The following VPS8 variants were observed in gnomAD, a reference collection of about 807,000 sequenced individuals.
VPS8 encodes VPS8 subunit of CORVET complex, also known as vacuolar protein sorting-associated protein 8 homolog.
VPS8 carries 129 observed loss-of-function variants against 216.4 expected under a neutral mutation model. That is an observed-to-expected ratio of 0.60 (90% CI 0.52 to 0.69). The LOEUF is 0.69. VPS8 is among the 30% of genes least tolerant of loss of function. VPS8 has a pLI of 0.00. For synonymous variants in VPS8, 571 were observed against 565.4 expected, an observed-to-expected ratio of 1.01 and a Z score of -0.14; for missense variants, 1,531 against 1,683.5, an observed-to-expected ratio of 0.91 and a Z score of 1.59.
At chr3:184,918,155 C>T (rs1280588794) in intron 28 of VPS8, among the ~76,000 whole-genome samples, 2 of 152,126 alleles carry the variant, frequency 1.3e-5, no homozygotes, top group East Asian at 3.8e-4. Context: ...TTTTAAGAGG[C>T]AAATCAGCCT....
intron 30 of VPS8, 34 bp from the exon 31 acceptor site, chr3:184,926,560 G>A: frequency 2.6e-6 from 4 of 1,553,250 alleles, no homozygotes; most frequent in Non-Finnish European, 3.5e-6. Flanking sequence ...TCTAGATGCT[G>A]ATATCAAATA....
chr3:184,926,372 GT>G (rs1287915407), intron 30 of VPS8, among the ~76,000 whole-genome samples: 2 of 138,324 alleles, frequency 1.4e-5, no homozygotes, highest in African/African-American at 3.4e-5. Flanking sequence ...GTGAGACTCT[GT>G]CTCAATAAAT....
At chr3:184,882,029 C>G (rs963094795) in intron 21 of VPS8, among the ~76,000 whole-genome samples, 3 of 151,546 alleles carry the variant, frequency 2.0e-5, no homozygotes, top group African/African-American at 7.3e-5. Context: ...CCAACAGAGA[C>G]AGTTTTTTTT....
intron 46 of VPS8, among the ~76,000 whole-genome samples, chr3:185,038,082 A>G (rs1268591674): frequency 6.6e-6 from 1 of 152,146 alleles, no homozygotes; most frequent in African/African-American, 2.4e-5. Flanking sequence ...TATATTGTAT[A>G]CCCTATGTAC....
Position 184,824,704 on chromosome 3 carries a change from T to A in VPS8, c.72T>A (p.Asn24Lys), listed in dbSNP as rs750451292. The change falls in exon 2 of 48, where the codon AAT (asparagine) becomes AAA (lysine). Residue 24 changes from asparagine to lysine, a missense_variant. Transcript: ENST00000625842. ...CCAAGACGAGCGAAGAAGAGCTGAA[T>A]AAGTCTTTCAATCTAGAAGCTTCAC... ...LCAKTSEEELNKSFNLEASLS... is the reference protein window; with the variant it reads ...LCAKTSEEELKKSFNLEASLS... The A allele has an allele frequency of 6.2e-7, 1 of 1,613,928 alleles. No homozygotes were observed. Among genetic ancestry groups the A allele is most frequent in the Non-Finnish European group, 8.5e-7 (1 of 1,179,866 alleles).
chr3:185,028,854 A>G (rs1398360219), intron 46 of VPS8, among the ~76,000 whole-genome samples: 2 of 152,232 alleles, frequency 1.3e-5, no homozygotes, highest in African/African-American at 2.4e-5. Context: ...TTACAGTTGT[A>G]TCCGTAAGTG....
At chr3:185,001,973 T>C (rs569208426) in intron 45 of VPS8, among the ~76,000 whole-genome samples, 1 of 152,250 alleles carries the variant, frequency 6.6e-6, no homozygotes, top group East Asian at 1.9e-4. Context: ...TGAGGGATCA[T>C]GGAAGGCCTG....
intron 36 of VPS8, among the ~76,000 whole-genome samples, chr3:184,955,274 C>T (rs1359948469): frequency 6.6e-6 from 1 of 152,188 alleles, no homozygotes; most frequent in East Asian, 1.9e-4. Context: ...TCCTCCCGTA[C>T]TCCTGGTTCC....
In VPS8 at chr3:184,843,236, A is replaced by G; in HGVS notation, c.536-4A>G. The G allele has an allele frequency of 7.0e-7, 1 of 1,420,628 alleles. No individual in the cohort carries two copies. Among genetic ancestry groups the G allele is most frequent in the Non-Finnish European group, 9.3e-7 (1 of 1,074,894 alleles). 88.0% of individuals were successfully genotyped at this position (1,420,628 alleles called of 1,614,324 possible). On this transcript the variant is annotated splice_region_variant and splice_polypyrimidine_tract_variant and intron_variant, in intron 7 of 47. Coordinates refer to ENST00000625842, the MANE Select transcript of VPS8 (RefSeq NM_001009921.3). ...TCTTGATCTTTTCTTCATGGATTCA[A>G]AAGGAAAAGGTATAGTAAGTAATTT...
intron 40 of VPS8, among the ~76,000 whole-genome samples, chr3:184,981,108 T>G (rs1012084805): frequency 3.9e-5 from 6 of 152,342 alleles, no homozygotes; most frequent in Admixed American, 6.5e-5. Flanking sequence ...GAGCTGCTTG[T>G]TCTAACCCTG....
intron 8 of VPS8, among the ~76,000 whole-genome samples, chr3:184,844,188 G>A (rs961629682): frequency 3.3e-5 from 5 of 152,180 alleles, no homozygotes; most frequent in East Asian, 1.9e-4. Context: ...TTAGGTGGCC[G>A]AGGTGGGCAG....
intron 28 of VPS8, among the ~76,000 whole-genome samples, chr3:184,916,546 A>T (rs1269106877): frequency 6.6e-6 from 1 of 152,142 alleles, no homozygotes; most frequent in Non-Finnish European, 1.5e-5. Context: ...AAATTATTTT[A>T]AAAAGGTAAG....
chr3:185,014,152 G>A (rs919471745), intron 45 of VPS8, among the ~76,000 whole-genome samples: 1 of 152,202 alleles, frequency 6.6e-6, no homozygotes, highest in Non-Finnish European at 1.5e-5. Flanking sequence ...GTCAGCCCTT[G>A]TTGAAGGAAT....
At chr3:184,917,281 A>C (rs1737761971) in intron 28 of VPS8, among the ~76,000 whole-genome samples, 1 of 152,214 alleles carries the variant, frequency 6.6e-6, no homozygotes, top group African/African-American at 2.4e-5. Flanking sequence ...CAAGTAATTG[A>C]AAAAAATTCA....
chr3:184,934,622 A>T (rs374846795), intron 34 of VPS8, among the ~76,000 whole-genome samples: 99 of 152,318 alleles, frequency 6.5e-4, no homozygotes, highest in East Asian at 9.6e-4. Context: ...GAGTTTCCTC[A>T]TGAATGGATT....
chr3:185,048,935 T>A (rs915413870), intron 47 of VPS8, among the ~76,000 whole-genome samples: 2 of 152,208 alleles, frequency 1.3e-5, no homozygotes, highest in East Asian at 3.9e-4. Flanking sequence ...ACTGGTTGAA[T>A]TAGTTTTGGC....
At chr3:184,985,195 G>T (rs1356594476) in intron 42 of VPS8, among the ~76,000 whole-genome samples, 1 of 152,070 alleles carries the variant, frequency 6.6e-6, no homozygotes, top group Non-Finnish European at 1.5e-5. Context: ...CTTGAGGTAG[G>T]CAGGGCTACT....
intron 7 of VPS8, among the ~76,000 whole-genome samples, chr3:184,841,745 T>TA (rs1264353722): frequency 6.6e-6 from 1 of 152,138 alleles, no homozygotes; most frequent in East Asian, 1.9e-4. Context: ...GAAAGAAACT[T>TA]ACGAGGTCAT....
intron 3 of VPS8, among the ~76,000 whole-genome samples, chr3:184,831,842 A>T (rs1239470344): frequency 2.0e-5 from 3 of 152,054 alleles, no homozygotes; most frequent in Non-Finnish European, 4.4e-5. Flanking sequence ...TAGCCCTCTT[A>T]CTGGTCCTTA....
Sources: gnomAD v4.1 joint callset for allele counts (sites outside exome capture counted in the v4.1 genomes callset) on GRCh38, gnomAD v4.1.1 for gene constraint, MANE v1.5 for transcripts, NCBI Gene and HGNC (gene_info 2026-07-23, HGNC 2026-07-21) for gene names.